Variants in ZNF628 observed in about 807,000 individuals in gnomAD.
ZNF628 encodes zinc finger protein 628, also known as zinc finger protein Zec.
A neutral mutation model predicts 2.5 loss-of-function variants in ZNF628; 3 were observed. That is an observed-to-expected ratio of 1.19 (90% CI 0.54 to 3.07). The LOEUF (loss-of-function observed/expected upper bound fraction) is 3.07. ZNF628 is among the 30% of genes most tolerant of loss of function. The pLI is 0.03. For missense variants in ZNF628, 1,610 were observed against 1,517.1 expected (o/e 1.06, Z -1.02); for synonymous variants, 861 against 717.1 (o/e 1.20, Z -3.21).
At chr19:55,480,274 CT>C (rs1986667245) in intron 2 of ZNF628, among the ~76,000 whole-genome samples, 1 of 118,160 alleles carries the variant, frequency 8.5e-6, no homozygotes, top group Non-Finnish European at 1.7e-5. Context: ...GAGATGGAGT[CT>C]CTCTCTATGG....
In ZNF628 at chr19:55,482,711, C is replaced by T. The variant is rs548845939; in HGVS notation, c.1518C>T (p.Gly506=). 1.2e-6 allele frequency: 2 copies of T among 1,612,680 alleles called. No homozygotes were observed. The highest frequency in any genetic ancestry group is 1.7e-5 in the Admixed American group (1 of 59,982). ...LLAIHQRVHT[G]LRAFTCGQCG... ...CCATCCACCAGCGGGTGCACACGGGCCTGCGGGCCTTCACCTGTGGCCAGT... is the reference window on the plus strand; with the variant it reads ...CCATCCACCAGCGGGTGCACACGGGTCTGCGGGCCTTCACCTGTGGCCAGT... The change falls in exon 3 of 3, where the codon GGC becomes GGT. Residue 506 remains glycine (G), a synonymous_variant. Coordinates refer to ENST00000598519, the MANE Select transcript of ZNF628 (RefSeq NM_033113.3).
Position 55,482,652 on chromosome 19 carries a change from T to A in ZNF628, c.1459T>A (p.Cys487Ser). The A allele has an allele frequency of 6.2e-7, 1 of 1,611,226 alleles. No individual in the cohort carries two copies. The highest frequency in any genetic ancestry group is 8.5e-7 in the Non-Finnish European group (1 of 1,179,188). Reference protein sequence around the residue: ...TGERPYQCGECGKAFKRSSLL... With the variant: ...TGERPYQCGESGKAFKRSSLL... ...CGAGCGGCCCTACCAGTGTGGCGAGTGCGGCAAGGCCTTCAAGCGCTCCTC... is the reference window on the plus strand; with the variant it reads ...CGAGCGGCCCTACCAGTGTGGCGAGAGCGGCAAGGCCTTCAAGCGCTCCTC... Residue 487 changes from cysteine to serine, a missense_variant, in exon 3 of 3, where the codon TGC becomes AGC. This residue lies in a region of ZNF628 where 651 missense variants were observed against 575.6 expected (regional missense o/e 1.13). Coordinates refer to ENST00000598519, the MANE Select transcript of ZNF628 (RefSeq NM_033113.3).
In ZNF628 at chr19:55,483,256, T is replaced by G; in HGVS notation, c.2063T>G (p.Leu688Arg). 1 of 1,530,480 alleles carries G rather than the reference T, an allele frequency of 6.5e-7. No individual in the cohort carries two copies. The highest frequency in any genetic ancestry group is 1.2e-5 in the South Asian group (1 of 83,026). The allele number at this position is 1,530,480 out of a possible 1,614,324, so 94.8% of individuals were successfully genotyped here. The change falls in exon 3 of 3, where the codon CTC becomes CGC. Residue 688 changes from leucine (L) to arginine (R), a missense_variant. Coordinates refer to ENST00000598519, the MANE Select transcript of ZNF628 (RefSeq NM_033113.3). ...GTCCTGCCCCACCTCCAGGCCACGC[T>G]CTCCCTCGAGGTGGCGGGGGGCACG... ...VHVLPHLQATLSLEVAGGTAQ... is the reference protein window; with the variant it reads ...VHVLPHLQATRSLEVAGGTAQ...
rs149561076 is a variant in ZNF628 at position 55,484,046 on chromosome 19, A to G, written c.2853A>G (p.Val951=). 4.9e-4 allele frequency: 783 copies of G among 1,594,526 alleles called. 7 individuals are homozygous for G. In the East Asian group the frequency reaches 0.017, roughly 34 times the overall value. ...GADGEQTRLC[V]QEVETLPPGL... The stretch of plus-strand genomic sequence containing the variant: ...ATGGCGAACAGACTCGACTCTGCGT[A>G]CAGGAGGTAGAAACACTTCCTCCTG... Residue 951 remains valine, a synonymous_variant, in exon 3 of 3, where the codon GTA becomes GTG. Transcript: ENST00000598519.
In ZNF628 at chr19:55,479,672, T is replaced by C. The variant is rs149927825; in HGVS notation, c.-77-162T>C. On this transcript the variant is annotated intron_variant, in intron 1 of 2. Coordinates refer to ENST00000598519, the MANE Select transcript of ZNF628 (RefSeq NM_033113.3). This position sits in a 1 kb window ranked among gnomAD's most constrained non-coding sequence, Gnocchi z 5.1. Reference sequence around the variant, plus strand: ...GCATCCCTGGCCTCCACCCACTAGATGCCAGGAGCACTTGCCTCTCTAGTT... The same window carrying C: ...GCATCCCTGGCCTCCACCCACTAGACGCCAGGAGCACTTGCCTCTCTAGTT... Among the ~76,000 whole-genome samples, 73 of 152,284 alleles carry C rather than the reference T, an allele frequency of 4.8e-4. 1 individual carries two copies. In the East Asian group the frequency reaches 0.013, roughly 28 times the overall value.
rs1421038882 is a variant in ZNF628 at position 55,481,475 on chromosome 19, C to T, written c.282C>T (p.Cys94=). The T allele has an allele frequency of 6.2e-7, 1 of 1,612,088 alleles. No individual in the cohort carries two copies. The highest frequency in any genetic ancestry group is 1.7e-5 in the Admixed American group (1 of 59,918). The part of the protein sequence containing the change: ...RGHTGERPYQ[C]PDCPKAFKRS... ...ACACGGGCGAGCGGCCCTACCAGTG[C>T]CCCGACTGTCCCAAGGCCTTCAAGC... The change falls in exon 3 of 3, where the codon TGC becomes TGT. Residue 94 remains cysteine, a synonymous_variant. Coordinates refer to ENST00000598519, the MANE Select transcript of ZNF628 (RefSeq NM_033113.3).
rs1362995292 is a variant in ZNF628, at chr19:55,481,956, T to G, written c.763T>G (p.Tyr255Asp). 1 of 1,460,706 alleles carries G rather than the reference T, an allele frequency of 6.8e-7. No homozygotes were observed. 90.5% of individuals were successfully genotyped at this position (1,460,706 alleles called of 1,614,324 possible). A position where few individuals can be genotyped will look rare whatever the true frequency, so the allele number is the denominator to read the frequency against. ...CGGCAAGGTCTTCGTGTGCGACGCCTACCTGCAGCGGCACCTCCAGCCCCA... is the reference window on the plus strand; with the variant it reads ...CGGCAAGGTCTTCGTGTGCGACGCCGACCTGCAGCGGCACCTCCAGCCCCA... Reference protein sequence around the residue: ...EPGKVFVCDAYLQRHLQPHSP... With the variant: ...EPGKVFVCDADLQRHLQPHSP... The change falls in exon 3 of 3, where the codon TAC becomes GAC. Residue 255 changes from tyrosine (Y) to aspartate (D), a missense_variant. Coordinates refer to ENST00000598519, the MANE Select transcript of ZNF628 (RefSeq NM_033113.3).
chr19:55,477,212 C>T (rs1283222765), intron 1 of ZNF628, among the ~76,000 whole-genome samples: 2 of 152,166 alleles, frequency 1.3e-5, no homozygotes, highest in African/African-American at 4.8e-5. Context: ...GTCCAGCCTG[C>T]TGAACGGGTG....
Position 55,482,689 on chromosome 19 carries a change from TCCA to T in ZNF628, c.1500_1502del (p.His500del). On this transcript the variant is annotated inframe_deletion, in exon 3 of 3. Transcript: ENST00000598519. ...TTCAAGCGCTCCTCCCTGCTGGCCA[TCCA>T]CCAGCGGGTGCACACGGGCCTGCGG... 1 of 1,611,910 alleles carries T rather than the reference TCCA, an allele frequency of 6.2e-7. No individual in the cohort carries two copies.
intron 2 of ZNF628, 129 bp from the exon 3 acceptor site, chr19:55,481,072 A>G: frequency 1.6e-6 from 2 of 1,259,036 alleles, no homozygotes; most frequent in Admixed American, 2.9e-5. Context: ...CCCTCATCCT[A>G]AGGAAGGTCC....
chr19:55,482,502 G>A lies in ZNF628; in HGVS notation c.1309G>A (p.Ala437Thr), dbSNP rs1555761284. Residue 437 changes from alanine to threonine, a missense_variant, in exon 3 of 3, where the codon GCC becomes ACC. Ala to Thr is a moderately conservative substitution (Grantham distance 58, BLOSUM62 0). Around this residue, in one of 5 missense-constraint regions of ZNF628, gnomAD observed 651 missense variants for 575.6 expected, o/e 1.13. Transcript: ENST00000598519. ...CCCCCAGGAACCGCTGGCGCCTGCC[G>A]CCCCCGTCCCGCCGCCACCCCCGTC... ...TCPQEPLAPA[A>T]PVPPPPPSAP... 2.1e-6 allele frequency: 3 copies of A among 1,439,466 alleles called. No individual in the cohort carries two copies. Among genetic ancestry groups the A allele is most frequent in the Non-Finnish European group, 1.8e-6 (2 of 1,095,688 alleles). 89.2% of individuals were successfully genotyped at this position (1,439,466 alleles called of 1,614,324 possible).
rs1276176984 is a variant in ZNF628 at position 55,482,198 on chromosome 19, C to T, written c.1005C>T (p.Ala335=). ...AGGCACCCGCCGAGGCGCCCAAGGC[C>T]GACCAGCCACCGTCCCCTCTGCCGC... ...PQEAPAEAPK[A]DQPPSPLPQP... is the part of the protein sequence containing the mutation. The change falls in exon 3 of 3, where the codon GCC becomes GCT. Residue 335 remains alanine (A), a synonymous_variant. Coordinates refer to ENST00000598519, the MANE Select transcript of ZNF628 (RefSeq NM_033113.3). 6.7e-7 allele frequency: 1 copy of T among 1,488,624 alleles called. No individual in the cohort carries two copies. The highest frequency in any genetic ancestry group is 8.9e-7 in the Non-Finnish European group (1 of 1,124,924). 92.2% of individuals were successfully genotyped at this position (1,488,624 alleles called of 1,614,324 possible).
rs1986656000 is a variant in ZNF628, at chr19:55,479,882, A to T, written c.-29A>T. 5.0e-6 allele frequency: 2 copies of T among 401,264 alleles called. No individual in the cohort carries two copies. The highest frequency in any genetic ancestry group is 7.0e-5 in the East Asian group (2 of 28,414). The allele number at this position is 401,264 out of a possible 1,614,324, so 24.9% of individuals were successfully genotyped here. A position where few individuals can be genotyped will look rare whatever the true frequency, so the allele number is the denominator to read the frequency against. ...CCTGCCAAGAACAGGAGGGGAGAGG[A>T]GGGGCTGGAGGTTTCAGGAGAAAGA... On this transcript the variant is annotated 5_prime_UTR_variant, in exon 2 of 3. Coordinates refer to ENST00000598519, the MANE Select transcript of ZNF628 (RefSeq NM_033113.3). The surrounding 1 kb of genome is among the most constrained non-coding windows in gnomAD (Gnocchi z 5.1).
rs1215205942 is a variant in ZNF628, at chr19:55,482,886, C to A, written c.1693C>A (p.Pro565Thr). 1 of 1,603,758 alleles carries A rather than the reference C, an allele frequency of 6.2e-7. No homozygotes were observed. Among genetic ancestry groups the A allele is most frequent in the Admixed American group, 1.7e-5 (1 of 59,708 alleles). ...CCGCCACGTGCACACTGGCGAGAGG[C>A]CCCACGCCTGCGGTGTCTGCGGCAA... ...RHRHVHTGERPHACGVCGKSF... is the reference protein window; with the variant it reads ...RHRHVHTGERTHACGVCGKSF... Residue 565 changes from proline to threonine, a missense_variant, in exon 3 of 3, where the codon CCC (proline) becomes ACC (threonine). Around this residue, in one of 5 missense-constraint regions of ZNF628, gnomAD observed 651 missense variants for 575.6 expected, o/e 1.13. Coordinates refer to ENST00000598519, the MANE Select transcript of ZNF628 (RefSeq NM_033113.3).
Position 55,484,415 on chromosome 19 carries a change from G to A in ZNF628, c.*42G>A. On this transcript the variant is annotated 3_prime_UTR_variant, in exon 3 of 3. Transcript: ENST00000598519. ...CCCTCCCGCCCCGCACAGAGACCCC[G>A]ACTCACTGCCAGCCGGGGCGGGGCA... The A allele has an allele frequency of 1.4e-6, 2 of 1,412,324 alleles. No homozygotes were observed. Among genetic ancestry groups the A allele is most frequent in the Non-Finnish European group, 1.9e-6 (2 of 1,077,196 alleles). 87.5% of individuals were successfully genotyped at this position (1,412,324 alleles called of 1,614,324 possible). A position where few individuals can be genotyped will look rare whatever the true frequency, so the allele number is the denominator to read the frequency against.
Position 55,483,276 on chromosome 19 carries a change from G to A in ZNF628, c.2083G>A (p.Gly695Ser), listed in dbSNP as rs746611968. The A allele has an allele frequency of 1.3e-6, 2 of 1,519,232 alleles. No individual in the cohort carries two copies. Among genetic ancestry groups the A allele is most frequent in the East Asian group, 4.9e-5 (2 of 40,812 alleles). 94.1% of individuals were successfully genotyped at this position (1,519,232 alleles called of 1,614,324 possible). Residue 695 changes from glycine (G) to serine (S), a missense_variant, in exon 3 of 3, where the codon GGC becomes AGC. Physicochemically the swap from Gly to Ser is moderately conservative, Grantham distance 56. Coordinates refer to ENST00000598519, the MANE Select transcript of ZNF628 (RefSeq NM_033113.3). ...CACGCTCTCCCTCGAGGTGGCGGGG[G>A]GCACGGCCCAGGCCCCGAGCTTGGG... ...QATLSLEVAG[G>S]TAQAPSLGPA... is the part of the protein sequence containing the mutation.
chr19:55,482,840 C>T lies in ZNF628; in HGVS notation c.1647C>T (p.Asn549=), dbSNP rs1986770149. The T allele has an allele frequency of 8.7e-6, 14 of 1,602,586 alleles. No individual in the cohort carries two copies. The highest frequency in any genetic ancestry group is 1.7e-4 in the Middle Eastern group (1 of 6,054). Residue 549 remains asparagine, a synonymous_variant, in exon 3 of 3, where the codon AAC becomes AAT. Transcript: ENST00000598519. ...ACGECGKAFR[N]TSCLRRHRHV... ...GGGAGTGTGGCAAGGCCTTCCGCAA[C>T]ACGTCGTGCCTGCGTCGCCACCGCC... is the stretch of plus-strand genomic sequence containing the variant.
intron 1 of ZNF628, among the ~76,000 whole-genome samples, chr19:55,478,021 G>T (rs902711028): frequency 6.6e-6 from 1 of 152,172 alleles, no homozygotes; most frequent in African/African-American, 2.4e-5. Context: ...GTGCTCCCCA[G>T]GGGCGACACT....
intron 2 of ZNF628, among the ~76,000 whole-genome samples, chr19:55,480,700 C>T (rs909142618): frequency 6.6e-6 from 1 of 152,210 alleles, no homozygotes; most frequent in East Asian, 1.9e-4. Flanking sequence ...GGATTACAGG[C>T]GTGAGCCACA....
Sources: allele counts gnomAD v4.1 joint callset (sites outside exome capture counted in the v4.1 genomes callset), GRCh38; gene constraint gnomAD v4.1.1; regional missense constraint gnomAD v4.1.1; non-coding constraint Gnocchi (gnomAD v3.1); transcripts MANE v1.5; gene names NCBI Gene and HGNC (gene_info 2026-07-23, HGNC 2026-07-21).